The following EIF2D variants were observed in gnomAD, a reference collection of about 807,000 sequenced individuals.
EIF2D encodes the protein eukaryotic translation initiation factor 2D.
A neutral mutation model predicts 77.4 loss-of-function variants in EIF2D; 56 were observed. The observed-to-expected ratio is 0.72, with a 90% CI of 0.58 to 0.90. The LOEUF is 0.90. Ranked by LOEUF, EIF2D falls within the 40% of genes least tolerant of loss-of-function variation. EIF2D has a pLI of 0.00. For synonymous variants in EIF2D, 230 were observed against 271.0 expected (o/e 0.85, Z 1.49); for missense variants, 574 against 706.5 (o/e 0.81, Z 2.13).
At position 206,598,993 on chromosome 1, in the gene EIF2D, A is replaced by G; in HGVS notation, c.1292+10T>C. On this transcript the variant is annotated intron_variant, in intron 11 of 14. Coordinates refer to ENST00000271764, the MANE Select transcript of EIF2D (RefSeq NM_006893.3). ...CAATAAGACAGATCTGGTGCTTCTC[A>G]TGCACTCACTTTTTGTTGTCTGCAT... 3 of 1,613,810 alleles carry G rather than the reference A, an allele frequency of 1.9e-6. No individual in the cohort carries two copies. The highest frequency in any genetic ancestry group is 1.6e-4 in the Middle Eastern group (1 of 6,062).
rs782503513 is a variant in EIF2D, at chr1:206,599,593, G to GTA, written c.1070_1071dup (p.Pro358TyrfsTer25). On this transcript the variant is annotated frameshift_variant, in exon 10 of 15. Transcript: ENST00000271764. LOFTEE classifies it high-confidence loss of function. This position sits in a 1 kb window ranked among gnomAD's most constrained non-coding sequence, Gnocchi z 4.1. ...GTCTGGGAGGTCGGGGAGGGCTCGG[G>GTA]TATGACGAAAGATGTAATCCTAAAA... is the stretch of plus-strand genomic sequence containing the variant. 6.3e-7 allele frequency: 1 copy of GTA among 1,599,656 alleles called. No homozygotes were observed. Among genetic ancestry groups the GTA allele is most frequent in the Non-Finnish European group, 8.5e-7 (1 of 1,172,918 alleles).
chr1:206,597,072 T>C, intron 12 of EIF2D, 28 bp downstream of exon 12: 1 of 1,564,676 alleles, frequency 6.4e-7, no homozygotes, highest in Non-Finnish European at 8.8e-7. Context: ...GATAGAAAAG[T>C]TGGAGAGGGA....
At chr1:206,581,931 C>G (rs1668901343) in intron 2 of EIF2D, among the ~76,000 whole-genome samples, 1 of 152,140 alleles carries the variant, frequency 6.6e-6, no homozygotes, top group African/African-American at 2.4e-5. Context: ...GTCGCGGCAG[C>G]TGTGAAATTC....
chr1:206,586,739 G>GAAGCAA, downstream of EIF2D: 1 of 1,002,874 alleles, frequency 1.0e-6, no homozygotes, highest in East Asian at 2.4e-5. Flanking sequence ...CTGGGAAGGG[G>GAAGCAA]AAGGCAGCAG....
At chr1:206,596,701 T>C (rs1163722630) in intron 12 of EIF2D, among the ~76,000 whole-genome samples, 3 of 152,176 alleles carry the variant, frequency 2.0e-5, no homozygotes, top group African/African-American at 7.2e-5. Flanking sequence ...AAGTTCTTTT[T>C]TTGAGACAGG....
chr1:206,582,208 G>A (rs782468609), intron 2 of EIF2D, among the ~76,000 whole-genome samples: 3 of 152,100 alleles, frequency 2.0e-5, no homozygotes, highest in Non-Finnish European at 4.4e-5. Context: ...CAGTGGCTTC[G>A]ACCCCAGAAT....
At chr1:206,587,088 C>T (rs1669149310), downstream of EIF2D, 27 of 1,374,262 alleles carry the variant, frequency 2.0e-5, no homozygotes, top group Non-Finnish European at 2.7e-5. Flanking sequence ...GCATTTGTGC[C>T]TGCCCAGCAG....
intron 4 of EIF2D, among the ~76,000 whole-genome samples, chr1:206,605,956 G>C (rs114204141): frequency 2.0e-5 from 3 of 152,218 alleles, no homozygotes; most frequent in Non-Finnish European, 1.5e-5. Context: ...ATAGGGAAGA[G>C]AGAAGAGACA....
chr1:206,571,571 CCACTAA>C (rs1668450861), intron 5 of EIF2D: 1 of 152,130 alleles, frequency 6.6e-6, no homozygotes, highest in Non-Finnish European at 1.5e-5. Context: ...CAGGCTTGTA[CCACTAA>C]CACTAACGTA....
intron 2 of EIF2D, among the ~76,000 whole-genome samples, chr1:206,582,684 A>G (rs978372775): frequency 6.6e-5 from 10 of 152,200 alleles, no homozygotes; most frequent in African/African-American, 2.2e-4. Context: ...ACTTCTTGCT[A>G]TGTGAAAAGC....
rs1572397122 is a variant in EIF2D at position 206,599,351 on chromosome 1, G to A, written c.1202+112C>T. 4 of 1,400,482 alleles carry A rather than the reference G, an allele frequency of 2.9e-6. No individual in the cohort carries two copies. Among genetic ancestry groups the A allele is most frequent in the Non-Finnish European group, 3.9e-6 (4 of 1,023,590 alleles). The allele number at this position is 1,400,482 out of a possible 1,614,324, so 86.8% of individuals were successfully genotyped here. A position where few individuals can be genotyped will look rare whatever the true frequency, so the allele number is the denominator to read the frequency against. ...GGAAGCTGGATTTTGGAGAAGGGGA[G>A]AACAGGGGCAGAGCAGGTTTTGCCA... is the stretch of plus-strand genomic sequence containing the variant. On this transcript the variant is annotated intron_variant, in intron 10 of 14. Transcript: ENST00000271764. The surrounding 1 kb of genome is among the most constrained non-coding windows in gnomAD (Gnocchi z 4.1).
chr1:206,596,989 A>G (rs1201808808), intron 12 of EIF2D, 111 bp downstream of exon 12: 3 of 811,152 alleles, frequency 3.7e-6, no homozygotes, highest in African/African-American at 3.4e-5. Context: ...CTTGGTATGA[A>G]TTACAGAAAG....
chr1:206,599,399 G>A lies in EIF2D; in HGVS notation c.1202+64C>T, dbSNP rs4845116. 308,895 of 1,588,622 alleles carry A rather than the reference G, an allele frequency of 0.19. 31,187 individuals are homozygous for A. The highest frequency in any genetic ancestry group is 0.28 in the East Asian group (12,486 of 44,790). On this transcript the variant is annotated intron_variant, in intron 10 of 14. Coordinates refer to ENST00000271764, the MANE Select transcript of EIF2D (RefSeq NM_006893.3). This position sits in a 1 kb window ranked among gnomAD's most constrained non-coding sequence, Gnocchi z 4.1. ...CCAGTCGCAAAAGAGCACTACTCAG[G>A]TTGAGAGGAACTGTAGGCCAGAACA...
chr1:206,612,217 G>A (rs1670531922), intron 1 of EIF2D, 70 bp downstream of exon 1: 1 of 1,593,626 alleles, frequency 6.3e-7, no homozygotes, highest in South Asian at 1.1e-5. Context: ...AATAGCGAGG[G>A]CTATGGGCCA....
At chr1:206,574,517 G>C (rs1318626156) in intron 4 of EIF2D, among the ~76,000 whole-genome samples, 1 of 152,218 alleles carries the variant, frequency 6.6e-6, no homozygotes, top group East Asian at 1.9e-4. Flanking sequence ...ACCTCCACCC[G>C]CCACCTCTTT....
chr1:206,583,303 C>G, intron 2 of EIF2D: 1 of 1,613,798 alleles, frequency 6.2e-7, no homozygotes, highest in Non-Finnish European at 8.5e-7. Context: ...ACACAGCGCC[C>G]GCCCACACTG....
chr1:206,605,810 A>T (rs1158035206), intron 4 of EIF2D, among the ~76,000 whole-genome samples: 1 of 152,142 alleles, frequency 6.6e-6, no homozygotes, highest in East Asian at 1.9e-4. Context: ...TGGGTCTTGG[A>T]AGGATATTTA....
At chr1:206,597,022 A>C in intron 12 of EIF2D, 78 bp downstream of exon 12, 1 of 1,045,008 alleles carries the variant, frequency 9.6e-7, no homozygotes, top group Non-Finnish European at 1.5e-6. Context: ...TAAGATAGTG[A>C]CAGTATTAAA....
At position 206,599,794 on chromosome 1, in the gene EIF2D, G is replaced by A. The variant is rs368930245; in HGVS notation, c.991C>T (p.Gln331Ter). The change falls in exon 9 of 15, where the codon CAG (glutamine) becomes TAG (stop). Residue 331 changes from glutamine (Q) to a stop codon, truncating the protein, a stop_gained. Transcript: ENST00000271764. LOFTEE classifies it high-confidence loss of function. The surrounding 1 kb of genome is among the most constrained non-coding windows in gnomAD (Gnocchi z 4.1). ...LQQMQQEQII[Q>*]VKELSKGVES... is the part of the protein sequence containing the mutation. ...ACCCCTTTGCTCAGCTCCTTCACCTGTATAATCTGCTCCTGCTGCATTTGC... is the reference window on the plus strand; with the variant it reads ...ACCCCTTTGCTCAGCTCCTTCACCTATATAATCTGCTCCTGCTGCATTTGC... 3 of 1,614,112 alleles carry A rather than the reference G, an allele frequency of 1.9e-6. No individual in the cohort carries two copies. The highest frequency in any genetic ancestry group is 1.3e-5 in the African/African-American group (1 of 75,008).
Sources: gnomAD v4.1 joint callset for allele counts (sites outside exome capture counted in the v4.1 genomes callset) on GRCh38, gnomAD v4.1.1 for gene constraint, Gnocchi (gnomAD v3.1) non-coding constraint, MANE v1.5 for transcripts, NCBI Gene and HGNC (gene_info 2026-07-23, HGNC 2026-07-21) for gene names.